The following TRIM48 variants were observed in gnomAD, a reference collection of about 807,000 sequenced individuals.
TRIM48 encodes E3 ubiquitin-protein ligase TRIM48.
TRIM48 carries 31 observed loss-of-function variants against 29.5 expected under a neutral mutation model. The observed-to-expected ratio is 1.05, with a 90% confidence interval of 0.79 to 1.42. The LOEUF is 1.42. TRIM48 is among the 40% of genes most tolerant of loss of function. The pLI is 0.00. For synonymous variants in TRIM48, 128 were observed against 90.6 expected, an observed-to-expected ratio of 1.41 and a Z score of -2.34; for missense variants, 344 against 265.0, an observed-to-expected ratio of 1.30 and a Z score of -2.07.
At chr11:55,262,408 A>G in intron 1 of TRIM48, 97 bp downstream of exon 1, 1 of 848,102 alleles carries the variant, frequency 1.2e-6, no homozygotes, top group Non-Finnish European at 1.9e-6. Context: ...AATCTACACA[A>G]TGATACCATC....
rs1857371866 is a variant in TRIM48, at chr11:55,265,214, G to C, written c.359G>C (p.Cys120Ser). 3.2e-6 allele frequency: 5 copies of C among 1,582,876 alleles called. 1 individual carries two copies. The highest frequency in any genetic ancestry group is 4.3e-6 in the Non-Finnish European group (5 of 1,166,266). The change falls in exon 2 of 6, where the codon TGT becomes TCT. Residue 120 changes from cysteine to serine, a missense_variant. By Grantham distance (112) the Cys-to-Ser change is moderately radical. Transcript: ENST00000417545. Reference protein sequence around the residue: ...GIHRETKKMFCEVDRSLLCLL... With the variant: ...GIHRETKKMFSEVDRSLLCLL... ...CACAGGGAGACAAAGAAGATGTTCT[G>C]TGAAGTGGACAGGAGCCTGCTCTGT...
Position 55,270,597 on chromosome 11 carries a change from A to G in TRIM48, c.*162A>G. 6.3e-7 allele frequency: 1 copy of G among 1,583,320 alleles called. No homozygotes were observed. The highest frequency in any genetic ancestry group is 8.6e-7 in the Non-Finnish European group (1 of 1,165,630). Reference sequence around the variant, plus strand: ...GTGCTCAGACTTTCACCTCTGGCAAATATTACTGGGAGGTCCATGTGGGGG... The same window carrying G: ...GTGCTCAGACTTTCACCTCTGGCAAGTATTACTGGGAGGTCCATGTGGGGG... On this transcript the variant is annotated 3_prime_UTR_variant, in exon 6 of 6. Transcript: ENST00000417545.
rs186592899 is a variant in TRIM48 at position 55,263,511 on chromosome 11, A to C, written c.44+1200A>C. Among the ~76,000 whole-genome samples, 3 of 151,944 alleles carry C rather than the reference A, an allele frequency of 2.0e-5. No homozygotes were observed. The South Asian group carries it at 6.2e-4, about 32-fold the overall frequency. ...CTACTGGAAAAAAAAAAAATGAAAA[A>C]ATTTGCCGGGTGTAGTGGCATGTTC... is the stretch of plus-strand genomic sequence containing the variant. On this transcript the variant is annotated intron_variant, in intron 1 of 5. Coordinates refer to ENST00000417545, the MANE Select transcript of TRIM48 (RefSeq NM_024114.5).
Position 55,270,350 on chromosome 11 carries a change from G to A in TRIM48, c.*2-87G>A. 2.6e-6 allele frequency: 3 copies of A among 1,138,502 alleles called. 1 individual carries two copies. The highest frequency in any genetic ancestry group is 3.6e-6 in the Non-Finnish European group (3 of 836,960). 70.5% of individuals were successfully genotyped at this position (1,138,502 alleles called of 1,614,324 possible). Reference sequence around the variant, plus strand: ...ACGTTTCCTGGTAAATTAACTTTTTGATAGAACGATTTTTGCTTATTTACA... The same window carrying A: ...ACGTTTCCTGGTAAATTAACTTTTTAATAGAACGATTTTTGCTTATTTACA... On this transcript the variant is annotated intron_variant, in intron 5 of 5. Coordinates refer to ENST00000417545, the MANE Select transcript of TRIM48 (RefSeq NM_024114.5).
chr11:55,267,403 G>A (rs1225813011), intron 3 of TRIM48: 1 of 1,575,244 alleles, frequency 6.3e-7, no homozygotes, highest in Non-Finnish European at 8.6e-7. Flanking sequence ...CATTATTACT[G>A]CCGTATTATG....
At chr11:55,263,308 C>G (rs529699169) in intron 1 of TRIM48, among the ~76,000 whole-genome samples, 2 of 152,156 alleles carry the variant, frequency 1.3e-5, no homozygotes, top group South Asian at 4.1e-4. Flanking sequence ...AGGTTTGTAG[C>G]AGGCTATACC....
At chr11:55,267,870 T>C (rs936440968) in intron 3 of TRIM48, among the ~76,000 whole-genome samples, 1 of 147,908 alleles carries the variant, frequency 6.8e-6, no homozygotes, top group Non-Finnish European at 1.5e-5. Flanking sequence ...ATGGTCAAGG[T>C]AACAGCCCCA....
Position 55,265,227 on chromosome 11 carries a change from G to T in TRIM48, c.372G>T (p.Arg124Ser). The T allele has an allele frequency of 6.3e-7, 1 of 1,582,658 alleles. No individual in the cohort carries two copies. Among genetic ancestry groups the T allele is most frequent in the Non-Finnish European group, 8.6e-7 (1 of 1,166,158 alleles). ...AGAAGATGTTCTGTGAAGTGGACAG[G>T]AGCCTGCTCTGTTTGCTGTGCTCCA... is the stretch of plus-strand genomic sequence containing the variant. The part of the protein sequence containing the change: ...ETKKMFCEVD[R>S]SLLCLLCSSS... Residue 124 changes from arginine (R) to serine (S), a missense_variant, in exon 2 of 6, where the codon AGG becomes AGT. Physicochemically the swap from Arg to Ser is moderately radical, Grantham distance 110. Coordinates refer to ENST00000417545, the MANE Select transcript of TRIM48 (RefSeq NM_024114.5).
rs1857474457 is a variant in TRIM48 at position 55,270,867 on chromosome 11, T to G, written c.*432T>G. The G allele has an allele frequency of 1.3e-6, 2 of 1,564,604 alleles. 1 individual carries two copies. Among genetic ancestry groups the G allele is most frequent in the African/African-American group, 2.7e-5 (2 of 73,038 alleles). ...TCGTTGATGTTAGTCAAAGCTCCCC[T>G]ATATACACCATCCCTAATTGCTCCT... On this transcript the variant is annotated 3_prime_UTR_variant, in exon 6 of 6. Coordinates refer to ENST00000417545, the MANE Select transcript of TRIM48 (RefSeq NM_024114.5).
In TRIM48 at chr11:55,270,712, A is replaced by C. The variant is rs545631532; in HGVS notation, c.*277A>C. 4.7e-5 allele frequency: 73 copies of C among 1,567,078 alleles called. 5 individuals are homozygous for C. The African/African-American group carries it at 9.6e-4, about 21-fold the overall frequency. ...TATATATGGAGAGGAGGGACTCTTTAGTCTTGGGTGTGTTAAGAACGACAT... is the reference window on the plus strand; with the variant it reads ...TATATATGGAGAGGAGGGACTCTTTCGTCTTGGGTGTGTTAAGAACGACAT... On this transcript the variant is annotated 3_prime_UTR_variant, in exon 6 of 6. Transcript: ENST00000417545.
intron 1 of TRIM48, among the ~76,000 whole-genome samples, chr11:55,263,016 A>G (rs1388740012): frequency 1.3e-5 from 2 of 152,160 alleles, no homozygotes; most frequent in Non-Finnish European, 1.5e-5. Flanking sequence ...AAATTGCCAA[A>G]GACCATAGTT....
At position 55,265,659 on chromosome 11, in the gene TRIM48, C is replaced by A; in HGVS notation, c.519C>A (p.Asn173Lys). 1.9e-6 allele frequency: 3 copies of A among 1,581,214 alleles called. 1 individual carries two copies. Among genetic ancestry groups the A allele is most frequent in the Non-Finnish European group, 1.7e-6 (2 of 1,165,214 alleles). ...LWEKACENQR[N>K]LNVETTRISH... ...AAAAAGCTTGTGAAAATCAGAGAAACCTGAATGTGGAAACCACCAGAATCA... is the reference window on the plus strand; with the variant it reads ...AAAAAGCTTGTGAAAATCAGAGAAAACTGAATGTGGAAACCACCAGAATCA... Residue 173 changes from asparagine to lysine, a missense_variant, in exon 3 of 6, where the codon AAC becomes AAA. Physicochemically the swap from Asn to Lys is moderately conservative, Grantham distance 94. Transcript: ENST00000417545.
rs943203037 is a variant in TRIM48 at position 55,268,539 on chromosome 11, C to G, written c.578+167C>G. On this transcript the variant is annotated intron_variant, in intron 4 of 5. Coordinates refer to ENST00000417545, the MANE Select transcript of TRIM48 (RefSeq NM_024114.5). ...GACAAGACCACTAAGTAAATAAATA[C>G]ATAAATAAATAAATAGTGAAGTAAA... 2.7e-5 allele frequency among the ~76,000 whole-genome samples: 4 copies of G among 146,974 alleles called. 1 individual carries two copies. The East Asian group carries it at 6.5e-4, about 24-fold the overall frequency.
At position 55,267,163 on chromosome 11, in the gene TRIM48, GT is replaced by G. The variant is rs3974158; in HGVS notation, c.556-1178del. Among the ~76,000 whole-genome samples, 8 of 146,042 alleles carry G rather than the reference GT, an allele frequency of 5.5e-5. 1 individual carries two copies. In the South Asian group the frequency reaches 7.4e-4, roughly 14 times the overall value. On this transcript the variant is annotated intron_variant, in intron 3 of 5. Transcript: ENST00000417545. ...GTTGGAATAGAGAAATTCAAATTGT[GT>G]TTTTTTTTATTTCCAACTATCTTAG... is the stretch of plus-strand genomic sequence containing the variant.
Position 55,271,062 on chromosome 11 carries a change from G to A in TRIM48, c.*627G>A, listed in dbSNP as rs200146545. ...TTTATGTCTTGAATTGCATTCTAAT[G>A]TTATTAAAACTCATTTATTGTGTTA... On this transcript the variant is annotated 3_prime_UTR_variant, in exon 6 of 6. Coordinates refer to ENST00000417545, the MANE Select transcript of TRIM48 (RefSeq NM_024114.5). 1.3e-5 allele frequency: 16 copies of A among 1,234,564 alleles called. 1 individual carries two copies. The highest frequency in any genetic ancestry group is 3.2e-5 in the South Asian group (2 of 62,714). The allele number at this position is 1,234,564 out of a possible 1,614,324, so 76.5% of individuals were successfully genotyped here.
Position 55,271,026 on chromosome 11 carries a change from A to G in TRIM48, c.*591A>G. On this transcript the variant is annotated 3_prime_UTR_variant, in exon 6 of 6. Coordinates refer to ENST00000417545, the MANE Select transcript of TRIM48 (RefSeq NM_024114.5). ...CCTTGTGCCTTATCAAACAGGACAA[A>G]TAGGTTCGGTTTTATGTCTTGAATT... 6.8e-7 allele frequency: 1 copy of G among 1,464,030 alleles called. No individual in the cohort carries two copies. The highest frequency in any genetic ancestry group is 2.7e-5 in the East Asian group (1 of 37,670). The allele number at this position is 1,464,030 out of a possible 1,614,324, so 90.7% of individuals were successfully genotyped here.
At chr11:55,266,811 C>T (rs1339383257) in intron 3 of TRIM48, among the ~76,000 whole-genome samples, 1 of 147,044 alleles carries the variant, frequency 6.8e-6, no homozygotes, top group East Asian at 2.2e-4. Context: ...ACAGCATATG[C>T]AGTAATTTTG....
intron 3 of TRIM48, among the ~76,000 whole-genome samples, chr11:55,267,067 C>T (rs1857405162): frequency 6.8e-6 from 1 of 147,760 alleles, no homozygotes; most frequent in Admixed American, 6.9e-5. Flanking sequence ...ATAATTATTT[C>T]CTTTCTAGTA....
intron 5 of TRIM48, 31 bp from the exon 6 acceptor site, chr11:55,270,406 C>T: frequency 7.1e-7 from 1 of 1,405,480 alleles, no homozygotes; most frequent in South Asian, 1.5e-5. Context: ...TTCTTTCTTT[C>T]TTTCTATTTA....
Sources: gnomAD v4.1 joint callset for allele counts (sites outside exome capture counted in the v4.1 genomes callset) on GRCh38, gnomAD v4.1.1 for gene constraint, MANE v1.5 for transcripts, NCBI Gene and HGNC (gene_info 2026-07-23, HGNC 2026-07-21) for gene names.